Variants in NEGR1 observed in about 807,000 individuals in gnomAD.
NEGR1 encodes neuronal growth regulator 1, also known as IgLON family member 4.
A neutral mutation model predicts 40.9 loss-of-function variants in NEGR1; 10 were observed. The observed-to-expected ratio is 0.24, with a 90% confidence interval of 0.15 to 0.42. The LOEUF is 0.42. Ranked by LOEUF, NEGR1 falls within the 10% of genes least tolerant of loss-of-function variation. The pLI is 1.00. For missense variants in NEGR1, 352 were observed against 438.9 expected (o/e 0.80, Z 1.77); for synonymous variants, 185 against 166.8 (o/e 1.11, Z -0.84).
At chr1:72,163,387 ATT>A (rs975099418) in intron 1 of NEGR1, among the ~76,000 whole-genome samples, 3 of 152,074 alleles carry the variant, frequency 2.0e-5, no homozygotes, top group African/African-American at 7.2e-5. Flanking sequence ...TACTGATGTT[ATT>A]TTTTGCTTTT....
At chr1:72,264,421 A>T (rs1655569663) in intron 1 of NEGR1, among the ~76,000 whole-genome samples, 1 of 151,154 alleles carries the variant, frequency 6.6e-6, no homozygotes, top group African/African-American at 2.4e-5. Context: ...TTAAATTTAA[A>T]ATTTGTAATA....
At chr1:71,626,687 C>A (rs1650794013) in intron 4 of NEGR1, among the ~76,000 whole-genome samples, 1 of 151,958 alleles carries the variant, frequency 6.6e-6, no homozygotes, top group Non-Finnish European at 1.5e-5. Flanking sequence ...AAAGAAACTA[C>A]CATCAGAGTG....
At chr1:71,440,049 C>T (rs1174593388) in intron 6 of NEGR1, among the ~76,000 whole-genome samples, 1 of 152,052 alleles carries the variant, frequency 6.6e-6, no homozygotes, top group Admixed American at 6.6e-5. Flanking sequence ...CTATGGCTTA[C>T]GAATCCATTG....
At chr1:71,836,261 G>A (rs749285291) in intron 2 of NEGR1, among the ~76,000 whole-genome samples, 1 of 151,808 alleles carries the variant, frequency 6.6e-6, no homozygotes, top group Non-Finnish European at 1.5e-5. Context: ...AGACCAGCCT[G>A]GCCAATATGG....
chr1:72,088,905 G>T (rs1648343388), intron 1 of NEGR1, among the ~76,000 whole-genome samples: 1 of 146,260 alleles, frequency 6.8e-6, no homozygotes, highest in African/African-American at 2.5e-5. Context: ...CCGCATCCGG[G>T]TTCAAGTGAT....
chr1:71,737,731 T>G (rs1570277576), intron 3 of NEGR1, among the ~76,000 whole-genome samples: 1 of 152,344 alleles, frequency 6.6e-6, no homozygotes, highest in South Asian at 2.1e-4. Context: ...TTTTTCAGTC[T>G]TTGTTCTTAC....
chr1:72,034,408 T>C (rs1646884837), intron 1 of NEGR1, among the ~76,000 whole-genome samples: 1 of 152,212 alleles, frequency 6.6e-6, no homozygotes, highest in Non-Finnish European at 1.5e-5. Flanking sequence ...TATTTACTTC[T>C]TTGCTTGCTA....
At chr1:71,539,422 C>T (rs1406820264) in intron 6 of NEGR1, among the ~76,000 whole-genome samples, 1 of 151,686 alleles carries the variant, frequency 6.6e-6, no homozygotes, top group Non-Finnish European at 1.5e-5. Flanking sequence ...CGAAGGAAAA[C>T]ATTAGCTGCA....
rs1050869871 is a variant in NEGR1 at position 71,401,033 on chromosome 1, A to G, written c.*6413T>C. On this transcript the variant is annotated 3_prime_UTR_variant, in exon 7 of 7. Coordinates refer to ENST00000357731, the MANE Select transcript of NEGR1 (RefSeq NM_173808.3). ...GGGCAACCGAGCAAAACTCTGAAAAAGAAAAAAAAATTATGTCTCTTCATT... is the reference window on the plus strand; with the variant it reads ...GGGCAACCGAGCAAAACTCTGAAAAGGAAAAAAAAATTATGTCTCTTCATT... The G allele has an allele frequency of 9.9e-5, 15 of 152,208 alleles. No individual in the cohort carries two copies. The highest frequency in any genetic ancestry group is 3.6e-4 in the African/African-American group (15 of 41,464). 9.4% of individuals were successfully genotyped at this position (152,208 alleles called of 1,614,324 possible).
At chr1:72,204,736 C>T (rs990404182) in intron 1 of NEGR1, among the ~76,000 whole-genome samples, 2 of 152,086 alleles carry the variant, frequency 1.3e-5, no homozygotes, top group Non-Finnish European at 2.9e-5. Flanking sequence ...CATGGATACT[C>T]ATGTTTACTT....
At chr1:71,608,646 T>A (rs891900977) in intron 5 of NEGR1, among the ~76,000 whole-genome samples, 1 of 152,148 alleles carries the variant, frequency 6.6e-6, no homozygotes, top group Non-Finnish European at 1.5e-5. Flanking sequence ...AAGAAATTAA[T>A]GACACAAATT....
intron 4 of NEGR1, among the ~76,000 whole-genome samples, chr1:71,645,526 A>G (rs1183645164): frequency 1.3e-5 from 2 of 151,808 alleles, no homozygotes; most frequent in Non-Finnish European, 2.9e-5. Flanking sequence ...CCCACAGCAG[A>G]AAAAAAATCT....
chr1:71,493,743 TTCA>T (rs1424909061), intron 6 of NEGR1, among the ~76,000 whole-genome samples: 1 of 152,158 alleles, frequency 6.6e-6, no homozygotes, highest in Non-Finnish European at 1.5e-5. Flanking sequence ...ATCAACCAAA[TTCA>T]AGTATCTTAA....
At chr1:71,662,030 T>G (rs1304779962) in intron 4 of NEGR1, among the ~76,000 whole-genome samples, 1 of 152,224 alleles carries the variant, frequency 6.6e-6, no homozygotes, top group Admixed American at 6.5e-5. Flanking sequence ...GTTAGCACCA[T>G]GTCTGGCACA....
chr1:72,122,550 TTA>T (rs1649843344), intron 1 of NEGR1, among the ~76,000 whole-genome samples: 2 of 152,054 alleles, frequency 1.3e-5, no homozygotes, highest in South Asian at 2.1e-4. Context: ...ATCTATTTGA[TTA>T]TGTTATGTAT....
intron 1 of NEGR1, among the ~76,000 whole-genome samples, chr1:72,193,924 A>T (rs1187704819): frequency 6.6e-6 from 1 of 151,770 alleles, no homozygotes; most frequent in Non-Finnish European, 1.5e-5. Flanking sequence ...ATATACACAC[A>T]GTTAGAGATA....
At chr1:71,428,651 TTTA>T (rs1012467341) in intron 6 of NEGR1, among the ~76,000 whole-genome samples, 13 of 149,004 alleles carry the variant, frequency 8.7e-5, no homozygotes, top group African/African-American at 3.2e-4. Context: ...TTTATATAAA[TTTA>T]TTTTTTATTA....
chr1:72,275,191 G>A (rs993535360), intron 1 of NEGR1: 2 of 608,638 alleles, frequency 3.3e-6, no homozygotes, highest in African/African-American at 3.7e-5. Flanking sequence ...AAGAAAAACA[G>A]AAAATACATC....
chr1:72,135,978 G>A (rs1312199842), intron 1 of NEGR1, among the ~76,000 whole-genome samples: 1 of 152,050 alleles, frequency 6.6e-6, no homozygotes, highest in African/African-American at 2.4e-5. Flanking sequence ...GTGCCCAACA[G>A]ACTTTAAAAG....
Sources: gnomAD v4.1 joint callset for allele counts (sites outside exome capture counted in the v4.1 genomes callset) on GRCh38, gnomAD v4.1.1 for gene constraint, MANE v1.5 for transcripts, NCBI Gene and HGNC (gene_info 2026-07-23, HGNC 2026-07-21) for gene names.